PKHD1: variants seen among roughly 807,000 people sequenced by gnomAD.
The protein encoded by PKHD1 is fibrocystin.
A neutral mutation model predicts 412.0 loss-of-function variants in PKHD1; 291 were observed. The observed-to-expected ratio is 0.71, with a 90% CI of 0.64 to 0.78. PKHD1 has a LOEUF of 0.78. Among genes scored for constraint, PKHD1 ranks in the 30% least tolerant of loss-of-function variants. The pLI is 0.00. For missense variants in PKHD1, 4,825 were observed against 4,950.7 expected, an observed-to-expected ratio of 0.97 and a Z score of 0.76; for synonymous variants, 1,777 against 1,821.5, an observed-to-expected ratio of 0.98 and a Z score of 0.62.
chr6:51,897,613 C>A (rs1780323399), intron 43 of PKHD1, among the ~76,000 whole-genome samples: 1 of 145,068 alleles, frequency 6.9e-6, no homozygotes, highest in Non-Finnish European at 1.5e-5. Context: ...AACTAACGAG[C>A]AAAATCACCA....
At chr6:51,800,390 A>G (rs1385910367) in intron 52 of PKHD1, among the ~76,000 whole-genome samples, 1 of 152,220 alleles carries the variant, frequency 6.6e-6, no homozygotes, top group Non-Finnish European at 1.5e-5. Flanking sequence ...CAACAACAAC[A>G]ACAACAAAAA....
intron 31 of PKHD1, 22 bp downstream of exon 31, chr6:52,027,807 C>A (rs538888519): frequency 6.5e-7 from 1 of 1,548,418 alleles, no homozygotes; most frequent in South Asian, 1.1e-5. Context: ...TAATTGATAA[C>A]AGTCACATAA....
intron 60 of PKHD1, among the ~76,000 whole-genome samples, chr6:51,722,452 T>A (rs1782044860): frequency 6.6e-6 from 1 of 152,324 alleles, no homozygotes; most frequent in South Asian, 2.1e-4. Flanking sequence ...CCTGGCTTTA[T>A]CACTTGATAT....
chr6:51,728,033 A>C (rs1360039588), intron 60 of PKHD1, among the ~76,000 whole-genome samples: 1 of 152,102 alleles, frequency 6.6e-6, no homozygotes, highest in Non-Finnish European at 1.5e-5. Flanking sequence ...CCTTCTCCAT[A>C]CAATACTCCC....
At chr6:51,708,690 C>A (rs1780296071) in intron 60 of PKHD1, among the ~76,000 whole-genome samples, 1 of 152,144 alleles carries the variant, frequency 6.6e-6, no homozygotes, top group Non-Finnish European at 1.5e-5. Context: ...TGTACTTTTT[C>A]CAACAACTCT....
intron 52 of PKHD1, among the ~76,000 whole-genome samples, chr6:51,795,454 A>G (rs1794456504): frequency 6.6e-6 from 1 of 152,192 alleles, no homozygotes; most frequent in Non-Finnish European, 1.5e-5. Context: ...TTCAAGCTAT[A>G]GGATCATTTC....
chr6:51,628,028 G>C (rs1767482685), intron 65 of PKHD1, among the ~76,000 whole-genome samples: 1 of 152,114 alleles, frequency 6.6e-6, no homozygotes, highest in Non-Finnish European at 1.5e-5. Flanking sequence ...CCATAACATG[G>C]CATGAAAAGG....
In PKHD1 at chr6:51,960,693, C is replaced by T. The variant is rs187389139; in HGVS notation, c.5752-667G>A. ...GCCCATGCAGGCATAGGCAGAATGC[C>T]GACTGACTTCAGATGACAAGTAAAT... On this transcript the variant is annotated intron_variant, in intron 35 of 66. Coordinates refer to ENST00000371117, the MANE Select transcript of PKHD1 (RefSeq NM_138694.4). Among the ~76,000 whole-genome samples the T allele has an allele frequency of 7.9e-5, 12 of 152,218 alleles. No homozygotes were observed. The East Asian group carries it at 1.2e-3, about 15-fold the overall frequency.
intron 15 of PKHD1, 132 bp downstream of exon 15, chr6:52,059,796 A>G: frequency 3.0e-6 from 2 of 676,936 alleles, no homozygotes; most frequent in South Asian, 3.1e-5. Flanking sequence ...TTTTTCAACA[A>G]TTAAAGTTCC....
rs1287382694 is a variant in PKHD1, at chr6:51,632,643, C to A, written c.11587G>T (p.Ala3863Ser). 1 of 1,613,316 alleles carries A rather than the reference C, an allele frequency of 6.2e-7. No individual in the cohort carries two copies. The highest frequency in any genetic ancestry group is 1.7e-5 in the Admixed American group (1 of 59,946). ...RKEKSTIILA[A>S]SLSSVASWLA... The stretch of plus-strand genomic sequence containing the variant: ...CATGAGGCCACAGAGGACAGGGAAG[C>A]AGCCAGGATGATGGTCGACTTCTCC... The change falls in exon 65 of 67, where the codon GCT becomes TCT. Residue 3863 changes from alanine (A) to serine (S), a missense_variant. Ala to Ser is a moderately conservative substitution (Grantham distance 99, BLOSUM62 1). Coordinates refer to ENST00000371117, the MANE Select transcript of PKHD1 (RefSeq NM_138694.4).
chr6:52,042,417 T>C (rs1805049576), intron 27 of PKHD1, among the ~76,000 whole-genome samples: 1 of 152,216 alleles, frequency 6.6e-6, no homozygotes, highest in African/African-American at 2.4e-5. Context: ...GGGTTGTTTT[T>C]AACTGGCTGT....
At chr6:51,800,376 A>G (rs1046884066) in intron 52 of PKHD1, among the ~76,000 whole-genome samples, 1 of 151,942 alleles carries the variant, frequency 6.6e-6, no homozygotes, top group Non-Finnish European at 1.5e-5. Flanking sequence ...CCCTGCACCA[A>G]ATGCAACAAC....
At position 51,659,873 on chromosome 6, in the gene PKHD1, G is replaced by A; in HGVS notation, c.10253C>T (p.Ala3418Val). ...CTTCTGAATTGCCCAAATGGCATCA[G>A]CGCTATCAAGAATTAGGACCACTTG... is the stretch of plus-strand genomic sequence containing the variant. ...TDQVVLILDSADAIWAIQKLY... is the reference protein window; with the variant it reads ...TDQVVLILDSVDAIWAIQKLY... Residue 3418 changes from alanine (A) to valine (V), a missense_variant, in exon 61 of 67, where the codon GCT (alanine) becomes GTT (valine). By Grantham distance (64) the Ala-to-Val change is moderately conservative (BLOSUM62 0). Coordinates refer to ENST00000371117, the MANE Select transcript of PKHD1 (RefSeq NM_138694.4). 2 of 1,613,482 alleles carry A rather than the reference G, an allele frequency of 1.2e-6. No homozygotes were observed. Among genetic ancestry groups the A allele is most frequent in the Non-Finnish European group, 1.7e-6 (2 of 1,179,594 alleles).
intron 48 of PKHD1, among the ~76,000 whole-genome samples, chr6:51,867,388 A>T (rs936409902): frequency 6.6e-6 from 1 of 152,124 alleles, no homozygotes; most frequent in East Asian, 1.9e-4. Flanking sequence ...TAGTTCATGA[A>T]ATTAACAAGG....
intron 60 of PKHD1, among the ~76,000 whole-genome samples, chr6:51,662,505 CAG>C (rs1201115189): frequency 1.3e-5 from 2 of 151,576 alleles, no homozygotes; most frequent in African/African-American, 2.4e-5. Flanking sequence ...AAAAAAATAA[CAG>C]AACTGCACGT....
At chr6:51,628,053 A>G (rs1256332878) in intron 65 of PKHD1, among the ~76,000 whole-genome samples, 1 of 152,168 alleles carries the variant, frequency 6.6e-6, no homozygotes, top group Non-Finnish European at 1.5e-5. Context: ...AGTTATGGGT[A>G]GGAAATAGAC....
intron 55 of PKHD1, among the ~76,000 whole-genome samples, chr6:51,761,628 A>G (rs758221666): frequency 2.0e-5 from 3 of 152,098 alleles, no homozygotes; most frequent in Non-Finnish European, 4.4e-5. Flanking sequence ...ATGAGATAAT[A>G]CATATGTTAA....
At chr6:51,819,480 A>C (rs896354844) in intron 52 of PKHD1, among the ~76,000 whole-genome samples, 11 of 152,060 alleles carry the variant, frequency 7.2e-5, no homozygotes, top group African/African-American at 2.7e-4. Flanking sequence ...AATTGAATTT[A>C]CTTCTATGCC....
At chr6:51,899,615 G>T (rs1168425081) in intron 43 of PKHD1, among the ~76,000 whole-genome samples, 1 of 151,054 alleles carries the variant, frequency 6.6e-6, no homozygotes. Context: ...ACAAGACAGG[G>T]ATGCCCTCTC....
Sources: gnomAD v4.1 joint callset for allele counts (sites outside exome capture counted in the v4.1 genomes callset) on GRCh38, gnomAD v4.1.1 for gene constraint, MANE v1.5 for transcripts, NCBI Gene and HGNC (gene_info 2026-07-23, HGNC 2026-07-21) for gene names.